Variants in RNF125 observed in about 807,000 individuals in gnomAD.
The protein encoded by RNF125 is ring finger protein 125, also known as E3 ubiquitin-protein ligase RNF125.
In RNF125, 21 loss-of-function variants were observed where a neutral mutation model predicts 26.0. The ratio of observed to expected loss-of-function variants is 0.81; its 90% CI spans 0.57 to 1.16. The LOEUF (loss-of-function observed/expected upper bound fraction) is 1.16. Among genes scored for constraint, RNF125 ranks in the 50% most tolerant of loss-of-function variants. RNF125 has a pLI of 0.00. For missense variants in RNF125, 270 were observed against 299.4 expected (o/e 0.90, Z 0.72); for synonymous variants, 95 against 109.2 (o/e 0.87, Z 0.81).
intron 4 of RNF125, among the ~76,000 whole-genome samples, chr18:32,051,076 C>T (rs1257642079): frequency 2.0e-5 from 3 of 151,796 alleles, no homozygotes; most frequent in Non-Finnish European, 4.4e-5. Context: ...TGGAGCTTAG[C>T]TTAAATTTTA....
chr18:32,035,826 T>A (rs1462379423), intron 1 of RNF125, among the ~76,000 whole-genome samples: 1 of 152,184 alleles, frequency 6.6e-6, no homozygotes, highest in Non-Finnish European at 1.5e-5. Context: ...AAATACATTT[T>A]AAAAAGTCAG....
At chr18:32,030,206 A>G (rs1273249657) in intron 1 of RNF125, among the ~76,000 whole-genome samples, 3 of 151,832 alleles carry the variant, frequency 2.0e-5, no homozygotes, top group African/African-American at 4.8e-5. Context: ...GCCACGCCCA[A>G]CTAATTTTGT....
chr18:32,062,320 A>G (rs972197914), intron 4 of RNF125, among the ~76,000 whole-genome samples: 2 of 152,172 alleles, frequency 1.3e-5, no homozygotes, highest in Non-Finnish European at 2.9e-5. Context: ...CTTCTCCCAC[A>G]CTACAAATAT....
the RNF125 span, among the ~76,000 whole-genome samples, chr18:32,083,894 A>C: frequency 6.6e-6 from 1 of 151,258 alleles, no homozygotes; most frequent in African/African-American, 2.4e-5. Context: ...CAGAGGCGAG[A>C]CCCTGTCTCG....
intron 5 of RNF125, among the ~76,000 whole-genome samples, chr18:32,067,449 A>ACTG (rs1421860049): frequency 2.0e-5 from 3 of 152,322 alleles, no homozygotes; most frequent in African/African-American, 7.2e-5. Context: ...AGGGAAGTGA[A>ACTG]CTGGAAGTAG....
chr18:32,019,810 C>T (rs577492809), intron 1 of RNF125, among the ~76,000 whole-genome samples: 1 of 152,314 alleles, frequency 6.6e-6, no homozygotes, highest in East Asian at 1.9e-4. Flanking sequence ...CTCTCCAAAC[C>T]GGCGGAAATT....
chr18:32,076,734 T>C (rs2039573210), downstream of RNF125, among the ~76,000 whole-genome samples: 1 of 152,192 alleles, frequency 6.6e-6, no homozygotes, highest in Non-Finnish European at 1.5e-5. Flanking sequence ...ATCCTTATAC[T>C]TCGGCCACAC....
At chr18:32,059,362 CTGA>C (rs538661112) in intron 4 of RNF125, among the ~76,000 whole-genome samples, 200 of 152,320 alleles carry the variant, frequency 1.3e-3, no homozygotes, top group African/African-American at 4.4e-3. Flanking sequence ...TTGCATTTCT[CTGA>C]TGATCAATGA....
At chr18:32,077,106 A>G (rs2039575221), downstream of RNF125, among the ~76,000 whole-genome samples, 1 of 152,292 alleles carries the variant, frequency 6.6e-6, no homozygotes, top group Admixed American at 6.5e-5. Flanking sequence ...GCACATGTCA[A>G]GTACTTAGTA....
intron 3 of RNF125, 71 bp from the exon 4 acceptor site, chr18:32,045,571 A>G: frequency 5.6e-6 from 6 of 1,078,214 alleles, no homozygotes; most frequent in Non-Finnish European, 6.8e-6. Context: ...CAAAAAAAAA[A>G]AGAAAAAAAA....
the RNF125 span, among the ~76,000 whole-genome samples, chr18:32,082,593 C>A: frequency 6.6e-6 from 1 of 152,146 alleles, no homozygotes; most frequent in Non-Finnish European, 1.5e-5. Flanking sequence ...GGATATACAT[C>A]GCCCCCAGAG....
Position 32,063,231 on chromosome 18 carries a change from A to G in RNF125, c.505-2671A>G, listed in dbSNP as rs867341939. Among the ~76,000 whole-genome samples the G allele has an allele frequency of 7.3e-5, 11 of 151,220 alleles. No homozygotes were observed. In the South Asian group the frequency reaches 1.0e-3, roughly 14 times the overall value. ...GCAAAACTCAAAACTCCATTTCAAA[A>G]AAAAAAAAAAAAAGAAGAATACATG... On this transcript the variant is annotated intron_variant, in intron 4 of 5. Coordinates refer to ENST00000217740, the MANE Select transcript of RNF125 (RefSeq NM_017831.4).
At chr18:32,088,481 C>T in the RNF125 span, among the ~76,000 whole-genome samples, 2 of 152,102 alleles carry the variant, frequency 1.3e-5, no homozygotes, top group Non-Finnish European at 2.9e-5. Flanking sequence ...TCGAACTTGA[C>T]TGGAGAGTTT....
downstream of RNF125, chr18:32,073,253 C>T (rs1382508145): frequency 6.6e-6 from 1 of 152,122 alleles, no homozygotes; most frequent in Admixed American, 6.5e-5. Context: ...TTTAATAATG[C>T]TTTTTAAATT....
In RNF125 at chr18:32,037,274, G is replaced by A; in HGVS notation, c.318+5G>A. The A allele has an allele frequency of 1.3e-6, 2 of 1,496,172 alleles. No homozygotes were observed. Among genetic ancestry groups the A allele is most frequent in the South Asian group, 2.5e-5 (2 of 79,910 alleles). 92.7% of individuals were successfully genotyped at this position (1,496,172 alleles called of 1,614,324 possible). ...TGCGCTGAGTGTGACACCCTGGTATGTATGTGACCCCACCTATTTTCATGG... is the reference window on the plus strand; with the variant it reads ...TGCGCTGAGTGTGACACCCTGGTATATATGTGACCCCACCTATTTTCATGG... On this transcript the variant is annotated splice_donor_5th_base_variant and intron_variant, in intron 2 of 5. Transcript: ENST00000217740.
chr18:32,067,145 C>A (rs960751929), intron 5 of RNF125, among the ~76,000 whole-genome samples: 1 of 152,176 alleles, frequency 6.6e-6, no homozygotes, highest in Non-Finnish European at 1.5e-5. Context: ...CCCAGCTACT[C>A]TGGAGGCTGA....
intron 4 of RNF125, among the ~76,000 whole-genome samples, chr18:32,048,202 A>G (rs2039290195): frequency 6.6e-6 from 1 of 150,978 alleles, no homozygotes. Flanking sequence ...ACCTAAGGTC[A>G]GGAGTTCAAG....
At chr18:32,029,529 G>A (rs1475254789) in intron 1 of RNF125, among the ~76,000 whole-genome samples, 1 of 151,922 alleles carries the variant, frequency 6.6e-6, no homozygotes, top group Non-Finnish European at 1.5e-5. Context: ...AGGAGGCTGA[G>A]GTGGGAGGAT....
rs768749327 is a variant in RNF125, at chr18:32,037,185, T to C, written c.234T>C (p.Tyr78=). The part of the protein sequence containing the change: ...NKWTCPYCRA[Y]LPSEGVPATD... ...GGACCTGTCCTTATTGCCGGGCATA[T>C]CTTCCTTCAGAAGGAGTTCCAGCAA... The change falls in exon 2 of 6, where the codon TAT becomes TAC. Residue 78 remains tyrosine (Y), a synonymous_variant. Coordinates refer to ENST00000217740, the MANE Select transcript of RNF125 (RefSeq NM_017831.4). The C allele has an allele frequency of 8.1e-6, 13 of 1,606,296 alleles. No homozygotes were observed. The highest frequency in any genetic ancestry group is 9.3e-6 in the Non-Finnish European group (11 of 1,177,314).
Sources: gnomAD v4.1 joint callset for allele counts (sites outside exome capture counted in the v4.1 genomes callset) on GRCh38, gnomAD v4.1.1 for gene constraint, MANE v1.5 for transcripts, NCBI Gene and HGNC (gene_info 2026-07-23, HGNC 2026-07-21) for gene names.